Variants in MERTK observed in about 807,000 individuals in gnomAD.
MERTK encodes the protein MER proto-oncogene, tyrosine kinase.
MERTK carries 69 observed loss-of-function variants against 99.3 expected under a neutral mutation model. The observed-to-expected ratio is 0.70, with a 90% CI of 0.57 to 0.85. The LOEUF is 0.85. Among genes scored for constraint, MERTK ranks in the 40% least tolerant of loss-of-function variants. The pLI, the probability that MERTK is intolerant of heterozygous loss-of-function variation, is 0.00. For missense variants in MERTK, 1,125 were observed against 1,249.4 expected (o/e 0.90, Z 1.50); for synonymous variants, 426 against 467.6 (o/e 0.91, Z 1.15).
chr2:111,947,294 G>GAA, intron 3 of MERTK, 100 bp from the exon 4 acceptor site: 2 of 452,832 alleles, frequency 4.4e-6, no homozygotes, highest in Non-Finnish European at 8.0e-6. Context: ...CACAAAAAAA[G>GAA]AAATCTATTG....
intron 1 of MERTK, among the ~76,000 whole-genome samples, chr2:111,905,521 C>T (rs1684121935): frequency 6.8e-6 from 1 of 147,684 alleles, no homozygotes; most frequent in Non-Finnish European, 1.5e-5. Flanking sequence ...TTACTGCAGC[C>T]TCCTGGGTTC....
At chr2:111,966,308 G>A (rs1685357334) in intron 5 of MERTK, among the ~76,000 whole-genome samples, 1 of 152,122 alleles carries the variant, frequency 6.6e-6, no homozygotes, top group Non-Finnish European at 1.5e-5. Flanking sequence ...TTTAGTTTCA[G>A]CAAATCAACT....
chr2:112,027,176 T>TACACAC (rs541453305), intron 18 of MERTK, among the ~76,000 whole-genome samples: 1 of 149,084 alleles, frequency 6.7e-6, no homozygotes, highest in African/African-American at 2.5e-5. Flanking sequence ...TATATATATA[T>TACACAC]ACACACACAC....
chr2:112,003,911 T>C lies in MERTK; in HGVS notation c.1794T>C (p.Phe598=), dbSNP rs757294547. Residue 598 remains phenylalanine (F), a synonymous_variant, in exon 13 of 19, where the codon TTT becomes TTC. Coordinates refer to ENST00000295408, the MANE Select transcript of MERTK (RefSeq NM_006343.3). Reference sequence around the variant, plus strand: ...TGTTCTTTCACTTCACAGGAGAGTTTGGGTCTGTAATGGAAGGAAATCTTA... The same window carrying C: ...TGTTCTTTCACTTCACAGGAGAGTTCGGGTCTGTAATGGAAGGAAATCTTA... ...ILGKILGEGE[F]GSVMEGNLKQ... The C allele has an allele frequency of 6.2e-7, 1 of 1,613,082 alleles. No homozygotes were observed. Among genetic ancestry groups the C allele is most frequent in the Non-Finnish European group, 8.5e-7 (1 of 1,179,196 alleles).
At chr2:111,983,635 A>G (rs901978257) in intron 8 of MERTK, among the ~76,000 whole-genome samples, 1 of 152,346 alleles carries the variant, frequency 6.6e-6, no homozygotes, top group East Asian at 1.9e-4. Flanking sequence ...ACCAAGTCCC[A>G]TTGGGCAATG....
intron 8 of MERTK, among the ~76,000 whole-genome samples, chr2:111,986,824 T>C (rs1676486788): frequency 6.6e-6 from 1 of 152,218 alleles, no homozygotes; most frequent in South Asian, 2.1e-4. Context: ...ATGACAGTCT[T>C]GTGACCACAA....
intron 5 of MERTK, 33 bp downstream of exon 5, chr2:111,965,310 T>C (rs751525982): frequency 6.2e-7 from 1 of 1,600,076 alleles, no homozygotes; most frequent in South Asian, 1.1e-5. Context: ...CCATGCATGT[T>C]CTGGGAGCTG....
intron 1 of MERTK, among the ~76,000 whole-genome samples, chr2:111,925,293 T>TATATATAGATATATATATATATATATATA (rs1553446655): frequency 6.7e-5 from 2 of 29,698 alleles, no homozygotes; most frequent in African/African-American, 3.0e-4. Flanking sequence ...TATATATATA[T>TATATATAGATATATATATATATATATATA]TTTTTTTTTT....
At chr2:111,957,407 C>A (rs2104714217) in intron 4 of MERTK, among the ~76,000 whole-genome samples, 1 of 152,182 alleles carries the variant, frequency 6.6e-6, no homozygotes. Context: ...CAACTTGGCC[C>A]ATTTCCTCAC....
chr2:111,968,901 T>G (rs1676018164), intron 6 of MERTK, among the ~76,000 whole-genome samples: 1 of 152,184 alleles, frequency 6.6e-6, no homozygotes. Context: ...ACCCAGGCAC[T>G]CCCCAGTGTG....
At chr2:111,944,450 T>C (rs2104701709) in intron 2 of MERTK, among the ~76,000 whole-genome samples, 2 of 64 alleles carry the variant, frequency 0.031, no homozygotes, top group Admixed American at 0.17. Flanking sequence ...GAATTTTCCT[T>C]AGTTCCTTAA....
intron 6 of MERTK, among the ~76,000 whole-genome samples, chr2:111,970,761 C>T (rs1349279157): frequency 1.6e-5 from 1 of 63,226 alleles, no homozygotes; most frequent in Non-Finnish European, 3.3e-5. Flanking sequence ...CCCTTCTCCT[C>T]CTCCTCCTCC....
Position 111,925,833 on chromosome 2 carries a change from T to A in MERTK, c.62-3287T>A, listed in dbSNP as rs557505357. 1.3e-3 allele frequency among the ~76,000 whole-genome samples: 144 copies of A among 111,226 alleles called. 1 individual carries two copies. Among genetic ancestry groups the A allele is most frequent in the African/African-American group, 4.4e-3 (130 of 29,490 alleles). 73.0% of individuals were successfully genotyped at this position (111,226 alleles called of 152,430 possible). A position where few individuals can be genotyped will look rare whatever the true frequency, so the allele number is the denominator to read the frequency against. On this transcript the variant is annotated intron_variant, in intron 1 of 18. Transcript: ENST00000295408. ...AAACAGACTTTATTATTATTTTTTT[T>A]AATTTTTTTTTTTTTCTGAGACAGA...
At chr2:111,967,188 A>C (rs1043566800) in intron 5 of MERTK, among the ~76,000 whole-genome samples, 1 of 152,194 alleles carries the variant, frequency 6.6e-6, no homozygotes, top group Non-Finnish European at 1.5e-5. Flanking sequence ...CTCCAGGGTC[A>C]GGCAGACCAG....
intron 6 of MERTK, among the ~76,000 whole-genome samples, chr2:111,972,080 G>A (rs915836240): frequency 6.6e-6 from 1 of 152,112 alleles, no homozygotes; most frequent in African/African-American, 2.4e-5. Flanking sequence ...GCCCAGGCTG[G>A]AATGCAATGG....
intron 1 of MERTK, among the ~76,000 whole-genome samples, chr2:111,913,984 G>A (rs765747189): frequency 6.6e-6 from 1 of 150,996 alleles, no homozygotes; most frequent in Non-Finnish European, 1.5e-5. Context: ...CTTTCAGCAC[G>A]GTGTTGAATA....
At position 111,944,986 on chromosome 2, in the gene MERTK, A is replaced by C; in HGVS notation, c.509A>C (p.Asn170Thr). The change falls in exon 3 of 19, where the codon AAT (asparagine) becomes ACT (threonine). Residue 170 changes from asparagine to threonine, a missense_variant. By Grantham distance (65) the Asn-to-Thr change is moderately conservative (BLOSUM62 0). Transcript: ENST00000295408. The stretch of plus-strand genomic sequence containing the variant: ...ATAACCAGTGTGCAGCGTTCAGACA[A>C]TGGGTCGTATATCTGTAAGATGAAA... ...FSITSVQRSD[N>T]GSYICKMKIN... 6.2e-7 allele frequency: 1 copy of C among 1,613,646 alleles called. No individual in the cohort carries two copies. Among genetic ancestry groups the C allele is most frequent in the East Asian group, 2.2e-5 (1 of 44,856 alleles).
intron 2 of MERTK, among the ~76,000 whole-genome samples, chr2:111,935,312 G>C (rs185821034): frequency 2.0e-5 from 3 of 152,328 alleles, no homozygotes; most frequent in Admixed American, 2.0e-4. Flanking sequence ...GTTGTGAACA[G>C]AATGGAGGGG....
chr2:111,951,522 C>CATATATATAT (rs56410508), intron 4 of MERTK, among the ~76,000 whole-genome samples: 1,482 of 85,756 alleles, frequency 0.017, 89 homozygotes, highest in African/African-American at 0.048. Context: ...ATAATATTCC[C>CATATATATAT]ATATATATAT....
Sources: allele counts gnomAD v4.1 joint callset (sites outside exome capture counted in the v4.1 genomes callset), GRCh38; gene constraint gnomAD v4.1.1; transcripts MANE v1.5; gene names NCBI Gene and HGNC (gene_info 2026-07-23, HGNC 2026-07-21).